The following DRC4 variants were observed in gnomAD, a reference collection of about 807,000 sequenced individuals.
DRC4 encodes the protein GAS-11.
At chr16:90,026,724 C>T in the DRC4 span, among the ~76,000 whole-genome samples, 1 of 151,730 alleles carries the variant, frequency 6.6e-6, no homozygotes, top group Non-Finnish European at 1.5e-5. Flanking sequence ...CGTTCTACTG[C>T]CCAGGCTGGA....
chr16:90,023,208 G>C, the DRC4 span, among the ~76,000 whole-genome samples: 3 of 152,176 alleles, frequency 2.0e-5, no homozygotes, highest in African/African-American at 7.2e-5. Context: ...AGAGTGGCTA[G>C]AGATCCCTCT....
At chr16:90,042,754 G>A in the DRC4 span, 1 of 573,330 alleles carries the variant, frequency 1.7e-6, no homozygotes, top group Non-Finnish European at 3.1e-6. Flanking sequence ...TCTCTGCTGG[G>A]ATGGGTGTAG....
chr16:90,041,177 G>C, the DRC4 span, among the ~76,000 whole-genome samples: 1 of 152,246 alleles, frequency 6.6e-6, no homozygotes, highest in Non-Finnish European at 1.5e-5. Flanking sequence ...TGGCCTGTGA[G>C]GGTCATTGCA....
At chr16:90,036,610 G>A in the DRC4 span, 1 of 1,552,796 alleles carries the variant, frequency 6.4e-7, no homozygotes, top group East Asian at 2.4e-5. Flanking sequence ...GCTGGGCTGG[G>A]GAGGCACACT....
At chr16:90,043,244 G>A in the DRC4 span, 199 of 1,613,502 alleles carry the variant, frequency 1.2e-4, no homozygotes, top group East Asian at 1.6e-4. Flanking sequence ...GCTGGCCTTC[G>A]GGATCCCTCT....
chr16:90,020,082 C>A, the DRC4 span: 3 of 653,186 alleles, frequency 4.6e-6, no homozygotes, highest in Non-Finnish European at 8.4e-6. Flanking sequence ...GCCACTGCTT[C>A]TCTGTCCTCA....
the DRC4 span, chr16:90,029,403 C>T: frequency 1.8e-5 from 18 of 1,003,026 alleles, no homozygotes; most frequent in Non-Finnish European, 2.2e-5. Context: ...TCTGATTTTC[C>T]AAGAGAAGCT....
chr16:90,043,303 A>G, the DRC4 span: 1,262,504 of 1,612,574 alleles, frequency 0.78, 496,590 homozygotes, highest in African/African-American at 0.96. Flanking sequence ...TCGGACAGAC[A>G]CTGGGCCAGG....
the DRC4 span, chr16:90,019,815 T>G: frequency 1.5e-6 from 1 of 685,956 alleles, no homozygotes; most frequent in Non-Finnish European, 2.6e-6. This position sits in a 1 kb window ranked among gnomAD's most constrained non-coding sequence, Gnocchi z 6.1. Flanking sequence ...CCCTCGGGGC[T>G]GGCGAGGGGC....
At chr16:90,043,446 T>A in the DRC4 span, 1 of 1,192,514 alleles carries the variant, frequency 8.4e-7, no homozygotes, top group Non-Finnish European at 1.2e-6. Context: ...GATTTTATCA[T>A]CAGCAAATGA....
the DRC4 span, chr16:90,044,166 C>T: frequency 4.0e-5 from 18 of 454,884 alleles, no homozygotes; most frequent in East Asian, 2.1e-4. Context: ...GCTTCTGCGG[C>T]GGCTCCAGTG....
At chr16:90,025,078 A>G in the DRC4 span, among the ~76,000 whole-genome samples, 2 of 145,186 alleles carry the variant, frequency 1.4e-5, no homozygotes, top group East Asian at 2.1e-4. Context: ...GTGCAGTGGC[A>G]TGATCTTGGC....
At chr16:90,040,327 C>A in the DRC4 span, 1 of 1,597,350 alleles carries the variant, frequency 6.3e-7, no homozygotes, top group Non-Finnish European at 8.5e-7. Flanking sequence ...CGAGCTCTAT[C>A]GGAAGTTCAC....
the DRC4 span, among the ~76,000 whole-genome samples, chr16:90,025,853 C>T: frequency 7.6e-3 from 1,007 of 132,992 alleles, 6 homozygotes; most frequent in Admixed American, 0.011. Context: ...GCCTGGATGA[C>T]GAGGGAGACT....
At chr16:90,021,347 T>A in the DRC4 span, among the ~76,000 whole-genome samples, 2 of 152,204 alleles carry the variant, frequency 1.3e-5, no homozygotes, top group South Asian at 4.1e-4. Flanking sequence ...AGCACAACTT[T>A]CTACGAGCAT....
the DRC4 span, chr16:90,032,687 G>A: frequency 6.2e-7 from 1 of 1,607,742 alleles, no homozygotes; most frequent in African/African-American, 1.3e-5. Flanking sequence ...TGTGGTGCAG[G>A]TGAGCAGATG....
chr16:90,024,159 A>ACACACACACACAC, the DRC4 span, among the ~76,000 whole-genome samples: 7 of 93,552 alleles, frequency 7.5e-5, no homozygotes, highest in South Asian at 4.2e-4. Context: ...CACACACACA[A>ACACACACACACAC]AATTAGCCGG....
At chr16:90,031,157 T>C in the DRC4 span, 1 of 1,512,734 alleles carries the variant, frequency 6.6e-7, no homozygotes, top group Non-Finnish European at 8.9e-7. Flanking sequence ...AGCCTTATAT[T>C]TTAACTTTTT....
chr16:90,038,845 G>C, the DRC4 span, among the ~76,000 whole-genome samples: 1 of 152,210 alleles, frequency 6.6e-6, no homozygotes, highest in Non-Finnish European at 1.5e-5. Context: ...TCAAAGTTCT[G>C]GCCAAGGACC....
Sources: gnomAD v4.1 joint callset for allele counts (sites outside exome capture counted in the v4.1 genomes callset) on GRCh38, gnomAD v4.1.1 for gene constraint, Gnocchi (gnomAD v3.1) non-coding constraint, MANE v1.5 for transcripts, NCBI Gene and HGNC (gene_info 2026-07-23, HGNC 2026-07-21) for gene names.